AMPH: variants seen among roughly 807,000 people sequenced by gnomAD.
AMPH encodes amphiphysin, also known as amphiphysin (Stiff-Mann syndrome with breast cancer 128kD autoantigen).
In AMPH, 49 loss-of-function variants were observed where a neutral mutation model predicts 99.1. The observed-to-expected ratio is 0.49, with a 90% confidence interval of 0.39 to 0.63. The LOEUF is 0.63. AMPH is among the 20% of genes least tolerant of loss of function. The probability of loss-of-function intolerance (pLI) is 0.00; values close to 1 mark genes in which losing one functional copy is unlikely to be tolerated. For missense variants in AMPH, 759 were observed against 863.4 expected, an observed-to-expected ratio of 0.88 and a Z score of 1.52; for synonymous variants, 314 against 317.3, an observed-to-expected ratio of 0.99 and a Z score of 0.11.
rs548001159 is a variant in AMPH, at chr7:38,451,516, T to G, written c.1017+9767A>C. 1.7e-3 allele frequency among the ~76,000 whole-genome samples: 251 copies of G among 151,288 alleles called. 1 individual carries two copies. Among genetic ancestry groups the G allele is most frequent in the African/African-American group, 5.9e-3 (242 of 40,758 alleles). On this transcript the variant is annotated intron_variant, in intron 11 of 20. Coordinates refer to ENST00000356264, the MANE Select transcript of AMPH (RefSeq NM_001635.4). ...GACAAAATATCTTTTAAATCTTTAT[T>G]TCTTAAAGTGTTTTACCAAACACCC...
chr7:38,434,688 A>G (rs927363344), intron 12 of AMPH, among the ~76,000 whole-genome samples: 3 of 151,668 alleles, frequency 2.0e-5, no homozygotes, highest in East Asian at 1.9e-4. Context: ...GCAGTGAGCC[A>G]AGATCGCACC....
Position 38,394,194 on chromosome 7 carries a change from A to G in AMPH, c.1419T>C (p.Ala473=). The part of the protein sequence containing the change: ...EEAVIIPGAD[A]DAAVGTLVSA... ...ACACCAAGGTTCCAACAGCTGCATCAGCATCAGCTCCAGGTATGATCTGCA... is the reference window on the plus strand; with the variant it reads ...ACACCAAGGTTCCAACAGCTGCATCGGCATCAGCTCCAGGTATGATCTGCA... The change falls in exon 18 of 21, where the codon GCT becomes GCC. Residue 473 remains alanine, a synonymous_variant. Coordinates refer to ENST00000356264, the MANE Select transcript of AMPH (RefSeq NM_001635.4). The G allele has an allele frequency of 6.2e-7, 1 of 1,614,194 alleles. No homozygotes were observed. The highest frequency in any genetic ancestry group is 8.5e-7 in the Non-Finnish European group (1 of 1,180,030).
intron 18 of AMPH, 114 bp downstream of exon 18, chr7:38,393,891 A>C (rs1005717460): frequency 1.4e-5 from 13 of 959,054 alleles, no homozygotes; most frequent in Non-Finnish European, 3.2e-6. Flanking sequence ...GGAGTCACAA[A>C]ATTGCTACAA....
intron 2 of AMPH, among the ~76,000 whole-genome samples, chr7:38,521,511 ACT>A (rs1403467327): frequency 1.3e-5 from 2 of 152,230 alleles, no homozygotes; most frequent in East Asian, 1.9e-4. Flanking sequence ...ACAGAGCAAG[ACT>A]CTGTCTCAAA....
intron 1 of AMPH, among the ~76,000 whole-genome samples, chr7:38,550,524 C>T (rs1037849969): frequency 1.1e-4 from 17 of 152,290 alleles, no homozygotes; most frequent in African/African-American, 3.1e-4. Context: ...ATCTCTGTTT[C>T]GCATTTCCCT....
chr7:38,511,584 GA>G (rs1416278521), intron 2 of AMPH, among the ~76,000 whole-genome samples: 2 of 152,002 alleles, frequency 1.3e-5, no homozygotes, highest in South Asian at 2.1e-4. Flanking sequence ...AATACTAAAG[GA>G]AAAAAGAATA....
intron 2 of AMPH, among the ~76,000 whole-genome samples, chr7:38,512,563 T>A (rs1467102485): frequency 6.6e-6 from 1 of 152,124 alleles, no homozygotes. Flanking sequence ...CATGGTTAAT[T>A]AATATTGTAG....
At chr7:38,542,455 T>A (rs1790839647) in intron 1 of AMPH, among the ~76,000 whole-genome samples, 1 of 152,178 alleles carries the variant, frequency 6.6e-6, no homozygotes, top group Non-Finnish European at 1.5e-5. Flanking sequence ...GGATCCTCCA[T>A]ATACTACCAG....
At chr7:38,610,263 AG>A (rs1562859998) in intron 1 of AMPH, among the ~76,000 whole-genome samples, 57 of 23,562 alleles carry the variant, frequency 2.4e-3, no homozygotes, top group Admixed American at 4.8e-3. Flanking sequence ...AAAAAAAAAA[AG>A]AAAGAAAGAA....
At chr7:38,561,182 T>G (rs747638772) in intron 1 of AMPH, among the ~76,000 whole-genome samples, 2 of 152,242 alleles carry the variant, frequency 1.3e-5, no homozygotes, top group Non-Finnish European at 2.9e-5. Flanking sequence ...AGCAAGTCAC[T>G]GAACCTCTCC....
rs146721106 is a variant in AMPH at position 38,413,931 on chromosome 7, G to A, written c.1398+3894C>T. Among the ~76,000 whole-genome samples the A allele has an allele frequency of 1.9e-3, 294 of 152,280 alleles. 1 individual carries two copies. Among genetic ancestry groups the A allele is most frequent in the African/African-American group, 6.8e-3 (284 of 41,558 alleles). ...GGATAAAACCCAAATGCTGTTTCCC[G>A]TGAACATGAGTGTCACTGAAGGACA... On this transcript the variant is annotated intron_variant, in intron 17 of 20. Transcript: ENST00000356264.
chr7:38,446,338 C>A (rs866048239), intron 11 of AMPH, among the ~76,000 whole-genome samples: 1 of 152,156 alleles, frequency 6.6e-6, no homozygotes, highest in African/African-American at 2.4e-5. Context: ...TGAAAGCATG[C>A]ATGCACACAA....
At chr7:38,629,089 G>A (rs1308742590) in intron 1 of AMPH, among the ~76,000 whole-genome samples, 1 of 152,204 alleles carries the variant, frequency 6.6e-6, no homozygotes, top group Non-Finnish European at 1.5e-5. Flanking sequence ...CTGGAGAAGA[G>A]GAAGAGGCCA....
chr7:38,629,122 C>T (rs946749346), intron 1 of AMPH, among the ~76,000 whole-genome samples: 10 of 152,154 alleles, frequency 6.6e-5, no homozygotes, highest in African/African-American at 2.4e-4. Context: ...GAGGGAATCA[C>T]GTGGGGATAT....
At chr7:38,485,918 C>T (rs1788472385) in intron 5 of AMPH, among the ~76,000 whole-genome samples, 1 of 151,850 alleles carries the variant, frequency 6.6e-6, no homozygotes, top group Admixed American at 6.6e-5. Flanking sequence ...AAAAGTATCT[C>T]AGCACAAATG....
intron 5 of AMPH, among the ~76,000 whole-genome samples, chr7:38,489,845 G>A (rs902854452): frequency 6.6e-6 from 1 of 152,062 alleles, no homozygotes; most frequent in African/African-American, 2.4e-5. Context: ...TAAAATTTCA[G>A]TTACGTAAGA....
At chr7:38,386,597 T>A (rs181730397) in intron 20 of AMPH, among the ~76,000 whole-genome samples, 1 of 152,304 alleles carries the variant, frequency 6.6e-6, no homozygotes, top group East Asian at 1.9e-4. Flanking sequence ...ATGGCTTGTA[T>A]TAGACAACTC....
At position 38,419,956 on chromosome 7, in the gene AMPH, A is replaced by T. The variant is rs549789247; in HGVS notation, c.1273-2006T>A. Among the ~76,000 whole-genome samples, 8 of 152,344 alleles carry T rather than the reference A, an allele frequency of 5.3e-5. No individual in the cohort carries two copies. The South Asian group carries it at 1.7e-3, about 32-fold the overall frequency. ...CTGAAGAAATTCTGACATTTTTTATAAGGCAAGAATAAATAGCTAGGGTGA... is the reference window on the plus strand; with the variant it reads ...CTGAAGAAATTCTGACATTTTTTATTAGGCAAGAATAAATAGCTAGGGTGA... On this transcript the variant is annotated intron_variant, in intron 16 of 20. Transcript: ENST00000356264.
At chr7:38,526,433 CTTTTT>C (rs33974810) in intron 2 of AMPH, among the ~76,000 whole-genome samples, 17 of 72,580 alleles carry the variant, frequency 2.3e-4, no homozygotes, top group African/African-American at 7.7e-4. Context: ...CCATGCCCGG[CTTTTT>C]TTTTTTTTTT....
Sources: gnomAD v4.1 joint callset for allele counts (sites outside exome capture counted in the v4.1 genomes callset) on GRCh38, gnomAD v4.1.1 for gene constraint, MANE v1.5 for transcripts, NCBI Gene and HGNC (gene_info 2026-07-23, HGNC 2026-07-21) for gene names.